The following SMOC2 variants were observed in gnomAD, a reference collection of about 807,000 sequenced individuals.
SMOC2 encodes SPARC-related modular calcium-binding protein 2.
A neutral mutation model predicts 61.4 loss-of-function variants in SMOC2; 39 were observed. That is an observed-to-expected ratio of 0.64 (90% CI 0.49 to 0.83). The LOEUF (loss-of-function observed/expected upper bound fraction) is 0.83, where lower values mean the gene tolerates loss of function less well. Among genes scored for constraint, SMOC2 ranks in the 40% least tolerant of loss-of-function variants. The pLI is 0.00. For synonymous variants in SMOC2, 247 were observed against 239.9 expected (o/e 1.03, Z -0.27); for missense variants, 556 against 592.9 (o/e 0.94, Z 0.65).
chr6:168,548,351 CTTTTT>C (rs758386557), intron 6 of SMOC2, among the ~76,000 whole-genome samples: 371 of 127,168 alleles, frequency 2.9e-3, no homozygotes, highest in African/African-American at 0.01. Context: ...CACTACATTC[CTTTTT>C]TTTTTTTTTT....
chr6:168,453,590 CTCTTTCTG>C lies in SMOC2; in HGVS notation c.84+12140_84+12147del, dbSNP rs1205567770. On this transcript the variant is annotated intron_variant, in intron 1 of 12. Coordinates refer to ENST00000356284, the MANE Select transcript of SMOC2 (RefSeq NM_001166412.2). The surrounding 1 kb of genome is among the most constrained non-coding windows in gnomAD (Gnocchi z 4.4). Reference sequence around the variant, plus strand: ...TCTCAGTCTCTGCCATTTGCTCTCTCTCTTTCTGTCTGTCTCTGTTTCTTCCTGTCTCT... The same window carrying C: ...TCTCAGTCTCTGCCATTTGCTCTCTCTCTGTCTCTGTTTCTTCCTGTCTCT... 6.6e-5 allele frequency among the ~76,000 whole-genome samples: 10 copies of C among 151,784 alleles called. No individual in the cohort carries two copies. The highest frequency in any genetic ancestry group is 2.2e-4 in the African/African-American group (9 of 41,280).
intron 9 of SMOC2, among the ~76,000 whole-genome samples, chr6:168,626,598 A>G (rs939763056): frequency 6.6e-6 from 1 of 152,210 alleles, no homozygotes; most frequent in Admixed American, 6.5e-5. Flanking sequence ...GTGGGCCACA[A>G]AAGGCAATGG....
At chr6:168,550,064 G>A (rs949208706) in intron 7 of SMOC2, among the ~76,000 whole-genome samples, 2 of 152,154 alleles carry the variant, frequency 1.3e-5, no homozygotes, top group Admixed American at 6.5e-5. Context: ...CTGTTTTCAT[G>A]GAAGCGGGTT....
intron 4 of SMOC2, among the ~76,000 whole-genome samples, chr6:168,533,703 C>G (rs553206686): frequency 6.6e-6 from 1 of 152,164 alleles, no homozygotes; most frequent in Non-Finnish European, 1.5e-5. Flanking sequence ...CACCTCAAAA[C>G]GGCTTTTTCT....
rs563839981 is a variant in SMOC2, at chr6:168,645,722, CGA to C, written c.908-4954_908-4953del. Among the ~76,000 whole-genome samples, 945 of 152,316 alleles carry C rather than the reference CGA, an allele frequency of 6.2e-3. 7 individuals carry two copies. Among genetic ancestry groups the C allele is most frequent in the African/African-American group, 0.021 (878 of 41,560 alleles). ...CACGGCACATGTTCCTGGCCCAAACCGAGAGAAGCGGTTTCCCCCCAGGTCAC... is the reference window on the plus strand; with the variant it reads ...CACGGCACATGTTCCTGGCCCAAACCGAGAAGCGGTTTCCCCCCAGGTCAC... On this transcript the variant is annotated intron_variant, in intron 9 of 12. Coordinates refer to ENST00000356284, the MANE Select transcript of SMOC2 (RefSeq NM_001166412.2).
chr6:168,522,485 C>T (rs1783351558), intron 2 of SMOC2, among the ~76,000 whole-genome samples: 1 of 152,210 alleles, frequency 6.6e-6, no homozygotes, highest in South Asian at 2.1e-4. Context: ...TATGGTCCAT[C>T]TGTTCAATAG....
At chr6:168,517,957 G>A (rs367918664) in intron 2 of SMOC2, among the ~76,000 whole-genome samples, 7 of 152,364 alleles carry the variant, frequency 4.6e-5, no homozygotes, top group Admixed American at 3.3e-4. Context: ...CTGTCCTCGC[G>A]TCTCTAGAAC....
At chr6:168,662,245 G>A (rs189261309) in intron 11 of SMOC2, among the ~76,000 whole-genome samples, 5 of 152,364 alleles carry the variant, frequency 3.3e-5, no homozygotes, top group African/African-American at 9.6e-5. Context: ...ATACTTTGGT[G>A]TGGAAGCGAG....
chr6:168,567,009 G>A (rs1231620340), intron 7 of SMOC2, among the ~76,000 whole-genome samples: 3 of 152,022 alleles, frequency 2.0e-5, no homozygotes, highest in East Asian at 1.9e-4. Context: ...CTCTAACCTC[G>A]CATTTTTATA....
intron 1 of SMOC2, among the ~76,000 whole-genome samples, chr6:168,466,134 CTG>C (rs201750517): frequency 1.3e-3 from 195 of 147,918 alleles, no homozygotes; most frequent in African/African-American, 4.5e-3. Flanking sequence ...AGGTGCTACT[CTG>C]AGAGCTGGAA....
intron 2 of SMOC2, among the ~76,000 whole-genome samples, chr6:168,518,652 GGT>G (rs367878040): frequency 6.7e-6 from 1 of 148,550 alleles, no homozygotes; most frequent in Non-Finnish European, 1.5e-5. Context: ...TGCTTGTGTG[GGT>G]GTGTATGTAT....
chr6:168,583,368 TG>T (rs1216763882), intron 7 of SMOC2, among the ~76,000 whole-genome samples: 1 of 151,208 alleles, frequency 6.6e-6, no homozygotes, highest in African/African-American at 2.4e-5. Context: ...CCAGCTCCAC[TG>T]GGCTCAGCCC....
intron 1 of SMOC2, among the ~76,000 whole-genome samples, chr6:168,444,739 A>G (rs1483173894): frequency 6.6e-6 from 1 of 152,182 alleles, no homozygotes; most frequent in Non-Finnish European, 1.5e-5. Flanking sequence ...AATGGTTTTT[A>G]TTACACATAA....
At chr6:168,524,806 C>T (rs1195703367) in intron 2 of SMOC2, among the ~76,000 whole-genome samples, 3 of 152,234 alleles carry the variant, frequency 2.0e-5, no homozygotes, top group Non-Finnish European at 2.9e-5. Flanking sequence ...AGCGTTTGCT[C>T]AGATGTGTAG....
At chr6:168,629,393 G>A (rs999594812) in intron 9 of SMOC2, among the ~76,000 whole-genome samples, 2 of 152,246 alleles carry the variant, frequency 1.3e-5, no homozygotes, top group African/African-American at 4.8e-5. Context: ...TGCTCTCCCA[G>A]TGCTGCTGGC....
At chr6:168,644,151 G>A (rs115463268) in intron 9 of SMOC2, among the ~76,000 whole-genome samples, 72 of 152,358 alleles carry the variant, frequency 4.7e-4, no homozygotes, top group Middle Eastern at 3.4e-3. Context: ...GATTTAAAGC[G>A]GAGTTTTCAA....
intron 7 of SMOC2, among the ~76,000 whole-genome samples, chr6:168,563,117 G>A (rs1317077845): frequency 1.3e-5 from 2 of 152,200 alleles, no homozygotes; most frequent in Non-Finnish European, 2.9e-5. Context: ...CTCAGCCTCT[G>A]CTGCCATTTT....
At chr6:168,647,013 C>A (rs563855984) in intron 9 of SMOC2, among the ~76,000 whole-genome samples, 2 of 152,316 alleles carry the variant, frequency 1.3e-5, no homozygotes, top group Admixed American at 6.5e-5. Flanking sequence ...CCCCCAGGAG[C>A]CTGGGCATAG....
At chr6:168,599,421 CCCCACA>C (rs1270838038) in intron 8 of SMOC2, among the ~76,000 whole-genome samples, 3 of 131,486 alleles carry the variant, frequency 2.3e-5, no homozygotes, top group Non-Finnish European at 4.9e-5. Context: ...CATTCATACC[CCCCACA>C]CCCACACTCA....
Sources: gnomAD v4.1 joint callset for allele counts (sites outside exome capture counted in the v4.1 genomes callset) on GRCh38, gnomAD v4.1.1 for gene constraint, Gnocchi (gnomAD v3.1) non-coding constraint, MANE v1.5 for transcripts, NCBI Gene and HGNC (gene_info 2026-07-23, HGNC 2026-07-21) for gene names.